LTBP1: variants seen among roughly 807,000 people sequenced by gnomAD.
LTBP1 encodes the protein latent-transforming growth factor beta-binding protein 1.
LTBP1 carries 129 observed loss-of-function variants against 207.6 expected under a neutral mutation model. The observed-to-expected ratio is 0.62, with a 90% CI of 0.54 to 0.72. The LOEUF is 0.72. Among genes scored for constraint, LTBP1 ranks in the 30% least tolerant of loss-of-function variants. The pLI, the probability that LTBP1 is intolerant of heterozygous loss-of-function variation, is 0.00. For synonymous variants in LTBP1, 963 were observed against 833.7 expected (o/e 1.16, Z -2.67); for missense variants, 2,281 against 2,217.2 (o/e 1.03, Z -0.58).
At chr2:32,975,621 T>TTTTTTTTTTTTG (rs1558461916) in intron 2 of LTBP1, among the ~76,000 whole-genome samples, 2 of 87,070 alleles carry the variant, frequency 2.3e-5, no homozygotes, top group African/African-American at 8.2e-5. Flanking sequence ...TTTTTTTTTT[T>TTTTTTTTTTTTG]GTCTGACTGG....
chr2:33,290,382 G>T (rs2093751092), intron 19 of LTBP1, among the ~76,000 whole-genome samples: 1 of 152,134 alleles, frequency 6.6e-6, no homozygotes, highest in African/African-American at 2.4e-5. Flanking sequence ...AACTGTGGGG[G>T]CCAAGCCTTC....
At chr2:33,286,244 G>T (rs753064705) in intron 19 of LTBP1, among the ~76,000 whole-genome samples, 21 of 152,146 alleles carry the variant, frequency 1.4e-4, no homozygotes, top group African/African-American at 4.3e-4. Context: ...GTGAATGTAG[G>T]TCTTGGGTAT....
At chr2:33,344,781 G>A (rs74566566) in intron 25 of LTBP1, among the ~76,000 whole-genome samples, 1 of 152,302 alleles carries the variant, frequency 6.6e-6, no homozygotes, top group Non-Finnish European at 1.5e-5. Context: ...TCCCTGGGCA[G>A]GGCACGATGC....
intron 9 of LTBP1, among the ~76,000 whole-genome samples, chr2:33,223,745 G>C (rs1256461581): frequency 1.3e-5 from 2 of 152,160 alleles, no homozygotes; most frequent in South Asian, 2.1e-4. Context: ...GACTGATTTG[G>C]GGTTTGGGTG....
At chr2:33,051,354 C>T (rs1013245786) in intron 3 of LTBP1, among the ~76,000 whole-genome samples, 1 of 152,128 alleles carries the variant, frequency 6.6e-6, no homozygotes, top group Admixed American at 6.5e-5. Context: ...GAGTTTGAGG[C>T]TGCATGAGCT....
At chr2:33,280,250 A>G in intron 19 of LTBP1, 92 bp downstream of exon 19, 2 of 1,223,376 alleles carry the variant, frequency 1.6e-6, no homozygotes, top group Non-Finnish European at 2.2e-6. Context: ...GCCCTCTTTC[A>G]AAATGAAAAA....
rs139611850 is a variant in LTBP1 at position 33,100,249 on chromosome 2, T to G, written c.864-10333T>G. Among the ~76,000 whole-genome samples, 521 of 152,084 alleles carry G rather than the reference T, an allele frequency of 3.4e-3. 6 individuals carry two copies. Among genetic ancestry groups the G allele is most frequent in the Middle Eastern group, 0.02 (6 of 294 alleles). ...AACAGCTAAGTGAAGAGTGCGAGAG[T>G]GCAGGAGGAGTAAAAATGAAGTTGA... On this transcript the variant is annotated intron_variant, in intron 3 of 33. Transcript: ENST00000404816.
chr2:33,226,684 C>G (rs778839600), intron 9 of LTBP1, among the ~76,000 whole-genome samples: 1 of 152,170 alleles, frequency 6.6e-6, no homozygotes, highest in South Asian at 2.1e-4. Flanking sequence ...CTTGGAACCA[C>G]GTAAGATAAC....
At chr2:33,043,960 A>C (rs1195045421) in intron 3 of LTBP1, among the ~76,000 whole-genome samples, 1 of 151,986 alleles carries the variant, frequency 6.6e-6, no homozygotes, top group African/African-American at 2.4e-5. Context: ...GCTGTGCCCT[A>C]TTCAAGGAAA....
At chr2:33,382,074 CTTTTTTTTTTTTTTTTTTTTTTTT>C (rs70938398) in intron 31 of LTBP1, among the ~76,000 whole-genome samples, 1 of 46,764 alleles carries the variant, frequency 2.1e-5, no homozygotes, top group African/African-American at 7.9e-5. Context: ...CCTACTGCTT[CTTTTTTTTTTTTTTTTTTTTTTTT>C]TTTTTTTTTT....
intron 32 of LTBP1, among the ~76,000 whole-genome samples, chr2:33,396,513 C>A (rs1231599995): frequency 6.6e-6 from 1 of 152,228 alleles, no homozygotes; most frequent in Non-Finnish European, 1.5e-5. Flanking sequence ...TGAGCCCAGA[C>A]TTTGGGTTTT....
At chr2:33,198,655 A>G (rs1429634730) in intron 7 of LTBP1, among the ~76,000 whole-genome samples, 1 of 152,108 alleles carries the variant, frequency 6.6e-6, no homozygotes, top group East Asian at 1.9e-4. Flanking sequence ...GAATTTATCC[A>G]TTTCTTCTAG....
chr2:33,241,293 T>A (rs2092314412), intron 9 of LTBP1, among the ~76,000 whole-genome samples: 1 of 152,218 alleles, frequency 6.6e-6, no homozygotes, highest in Non-Finnish European at 1.5e-5. Context: ...ACACGATTCT[T>A]CGTCTTTGTG....
At chr2:33,053,292 C>T (rs990868038) in intron 3 of LTBP1, among the ~76,000 whole-genome samples, 1 of 152,164 alleles carries the variant, frequency 6.6e-6, no homozygotes, top group African/African-American at 2.4e-5. Context: ...CATAGCTTCT[C>T]CCATTGTCAA....
intron 20 of LTBP1, among the ~76,000 whole-genome samples, chr2:33,295,918 C>G (rs936232725): frequency 1.3e-5 from 2 of 152,140 alleles, no homozygotes; most frequent in Non-Finnish European, 2.9e-5. Flanking sequence ...TGCCTTGCTC[C>G]AATAATACAA....
intron 7 of LTBP1, among the ~76,000 whole-genome samples, chr2:33,190,226 G>A (rs368272192): frequency 2.6e-5 from 4 of 152,260 alleles, no homozygotes; most frequent in South Asian, 2.1e-4. Flanking sequence ...TGGAGGCTTC[G>A]TTCTGTGGTT....
chr2:33,283,879 C>T (rs1307549025), intron 19 of LTBP1, among the ~76,000 whole-genome samples: 2 of 152,150 alleles, frequency 1.3e-5, no homozygotes, highest in Non-Finnish European at 2.9e-5. Context: ...TCTAACTCTC[C>T]TCTCACTGAG....
intron 3 of LTBP1, among the ~76,000 whole-genome samples, chr2:33,052,595 G>A (rs886506722): frequency 5.3e-5 from 8 of 152,188 alleles, no homozygotes; most frequent in East Asian, 1.9e-4. Flanking sequence ...AAGAAAATGC[G>A]TAGAGCCAAG....
intron 9 of LTBP1, among the ~76,000 whole-genome samples, chr2:33,237,128 G>T (rs112843916): frequency 6.6e-6 from 1 of 152,182 alleles, no homozygotes; most frequent in Admixed American, 6.5e-5. Context: ...TGGCCCCAGA[G>T]AGCAGCATTT....
Sources: gnomAD v4.1 joint callset for allele counts (sites outside exome capture counted in the v4.1 genomes callset) on GRCh38, gnomAD v4.1.1 for gene constraint, MANE v1.5 for transcripts, NCBI Gene and HGNC (gene_info 2026-07-23, HGNC 2026-07-21) for gene names.